Variants in ACLY observed in about 807,000 individuals in gnomAD.
ACLY encodes ATP citrate lyase, also known as ATP-citrate synthase.
ACLY carries 41 observed loss-of-function variants against 133.0 expected under a neutral mutation model. The observed-to-expected ratio is 0.31, with a 90% CI of 0.24 to 0.40. The LOEUF is 0.40. Among genes scored for constraint, ACLY ranks in the 10% least tolerant of loss-of-function variants. ACLY has a pLI of 1.00. For synonymous variants in ACLY, 495 were observed against 549.3 expected, an observed-to-expected ratio of 0.90 and a Z score of 1.38; for missense variants, 1,046 against 1,453.8, an observed-to-expected ratio of 0.72 and a Z score of 4.56.
chr17:41,912,785 G>A (rs182366556), intron 2 of ACLY, among the ~76,000 whole-genome samples: 38 of 152,252 alleles, frequency 2.5e-4, no homozygotes, highest in African/African-American at 7.7e-4. Context: ...CAGAGTAGGC[G>A]CTCAGCAAAT....
At chr17:41,890,624 G>A (rs1426263500) in intron 16 of ACLY, among the ~76,000 whole-genome samples, 1 of 151,888 alleles carries the variant, frequency 6.6e-6, no homozygotes, top group Non-Finnish European at 1.5e-5. Flanking sequence ...GGAGGCGGAG[G>A]TTGCGGTGAG....
chr17:41,868,830 GCCCT>G (rs1439670978), intron 27 of ACLY, 45 bp from the exon 28 acceptor site: 8 of 1,572,680 alleles, frequency 5.1e-6, no homozygotes, highest in Admixed American at 3.3e-5. Context: ...TCACGTGACT[GCCCT>G]CCTCCCCACA....
At chr17:41,919,338 T>C (rs899114694), upstream of ACLY, among the ~76,000 whole-genome samples, 2 of 152,224 alleles carry the variant, frequency 1.3e-5, no homozygotes, top group Admixed American at 6.5e-5. Context: ...CCCAACTGGC[T>C]GTAACGCAGC....
intron 5 of ACLY, 35 bp downstream of exon 5, chr17:41,909,475 G>C (rs782212458): frequency 6.2e-7 from 1 of 1,603,710 alleles, no homozygotes; most frequent in South Asian, 1.1e-5. Context: ...CTTCTCATCC[G>C]AACTGCCACC....
chr17:41,876,290 G>C (rs1392563423), intron 22 of ACLY, among the ~76,000 whole-genome samples: 5 of 149,450 alleles, frequency 3.3e-5, no homozygotes, highest in East Asian at 2.0e-4. Context: ...GGAGGGAGGT[G>C]GGGGGGTCAG....
rs2048493480 is a variant in ACLY, at chr17:41,867,374, AAAAG to A, written c.*432_*435del. Reference sequence around the variant, plus strand: ...AAGAAGAAAGGGAAGTAAAAAAAAAAAAAGAGAGACATTGGGGTGCTTTAAATGT... The same window carrying A: ...AAGAAGAAAGGGAAGTAAAAAAAAAAAGAGACATTGGGGTGCTTTAAATGT... On this transcript the variant is annotated 3_prime_UTR_variant, in exon 29 of 29. Transcript: ENST00000352035. 5 of 152,960 alleles carry A rather than the reference AAAAG, an allele frequency of 3.3e-5. No individual in the cohort carries two copies. The South Asian group carries it at 1.0e-3, about 32-fold the overall frequency. 9.5% of individuals were successfully genotyped at this position (152,960 alleles called of 1,614,324 possible). A position where few individuals can be genotyped will look rare whatever the true frequency, so the allele number is the denominator to read the frequency against.
At chr17:41,871,333 C>T (rs1461436673) in intron 25 of ACLY, among the ~76,000 whole-genome samples, 1 of 151,964 alleles carries the variant, frequency 6.6e-6, no homozygotes, top group Non-Finnish European at 1.5e-5. Context: ...TCACCACCCA[C>T]CCAGTAGATC....
rs375650392 is a variant in ACLY at position 41,872,084 on chromosome 17, G to A, written c.2741C>T (p.Ala914Val). The A allele has an allele frequency of 1.4e-5, 23 of 1,613,942 alleles. No individual in the cohort carries two copies. The East Asian group carries it at 2.9e-4, about 20-fold the overall frequency. ...VSGAHNTIIC[A>V]RAGKDLVSSL... is the part of the protein sequence containing the mutation. ...GGAGACCAGGTCTTTCCCAGCTCGC[G>A]CACAAATGATGGTGTTGTGGGCTCC... The change falls in exon 24 of 29, where the codon GCG becomes GTG. Residue 914 changes from alanine (A) to valine (V), a missense_variant. By Grantham distance (64) the Ala-to-Val change is moderately conservative (BLOSUM62 0). This residue lies in a region of ACLY where 205 missense variants were observed against 373.3 expected (regional missense o/e 0.55). Transcript: ENST00000352035.
At chr17:41,889,555 A>AAAAAAAAAAAAAAAAAAC (rs2049149728) in intron 16 of ACLY, among the ~76,000 whole-genome samples, 1 of 149,956 alleles carries the variant, frequency 6.7e-6, no homozygotes, top group Non-Finnish European at 1.5e-5. Flanking sequence ...AAAAAAAAAA[A>AAAAAAAAAAAAAAAAAAC]AGAAGTAGCT....
At chr17:41,905,696 T>G (rs1555632522) in intron 8 of ACLY, 38 bp from the exon 9 acceptor site, 2 of 1,613,818 alleles carry the variant, frequency 1.2e-6, no homozygotes, top group South Asian at 2.2e-5. Context: ...GCTCTCACAC[T>G]TGGGGCAGGG....
rs200879681 is a variant in ACLY at position 41,913,845 on chromosome 17, G to A, written c.29C>T (p.Thr10Met). The change falls in exon 2 of 29, where the codon ACG becomes ATG. Residue 10 changes from threonine (T) to methionine (M), a missense_variant. Physicochemically the swap from Thr to Met is moderately conservative, Grantham distance 81 (BLOSUM62 -1). Transcript: ENST00000352035. ...GAACTTGTAAAGGAGTTCTTTGCCC[G>A]TCTGCTCTGAAATTGCCTTGGCCGA... MSAKAISEQ[T>M]GKELLYKFIC... 168 of 1,614,094 alleles carry A rather than the reference G, an allele frequency of 1.0e-4. No individual in the cohort carries two copies. Among genetic ancestry groups the A allele is most frequent in the Non-Finnish European group, 1.4e-4 (160 of 1,180,056 alleles).
intron 20 of ACLY, 38 bp from the exon 21 acceptor site, chr17:41,878,962 C>T: frequency 1.2e-6 from 2 of 1,612,782 alleles, no homozygotes; most frequent in East Asian, 4.5e-5. Context: ...TGCTAATCCC[C>T]CAAGAGTGAA....
chr17:41,920,724 TG>T (rs2144450242), upstream of ACLY, among the ~76,000 whole-genome samples: 1 of 151,204 alleles, frequency 6.6e-6, no homozygotes, highest in East Asian at 2.0e-4. Flanking sequence ...CTGGGTAACA[TG>T]GTAAGAGCCC....
At chr17:41,906,489 G>C in intron 8 of ACLY, 39 bp downstream of exon 8, 3 of 1,568,532 alleles carry the variant, frequency 1.9e-6, no homozygotes, top group Non-Finnish European at 2.6e-6. Flanking sequence ...ATGCTGGGTA[G>C]ACTGGGCTGG....
In ACLY at chr17:41,918,861, A is replaced by G. The variant is rs903641205; in HGVS notation, c.-24+19T>C. On this transcript the variant is annotated intron_variant, in intron 1 of 28. Transcript: ENST00000352035. Reference sequence around the variant, plus strand: ...GGGCGAGCGGGCTCCAGCCAGCGAAAACAGCCTCCCGTGCTCACCTCTGCC... The same window carrying G: ...GGGCGAGCGGGCTCCAGCCAGCGAAGACAGCCTCCCGTGCTCACCTCTGCC... 187 of 1,286,998 alleles carry G rather than the reference A, an allele frequency of 1.5e-4. No homozygotes were observed. The highest frequency in any genetic ancestry group is 1.8e-4 in the Non-Finnish European group (174 of 987,906). The allele number at this position is 1,286,998 out of a possible 1,614,324, so 79.7% of individuals were successfully genotyped here. A position where few individuals can be genotyped will look rare whatever the true frequency, so the allele number is the denominator to read the frequency against.
Position 41,909,060 on chromosome 17 carries a change from G to T in ACLY, c.545C>A (p.Ala182Asp). 1 of 1,611,830 alleles carries T rather than the reference G, an allele frequency of 6.2e-7. No homozygotes were observed. Among genetic ancestry groups the T allele is most frequent in the South Asian group, 1.1e-5 (1 of 90,584 alleles). The change falls in exon 6 of 29, where the codon GCC becomes GAC. Residue 182 changes from alanine to aspartate, a missense_variant. By Grantham distance (126) the Ala-to-Asp change is moderately radical. Coordinates refer to ENST00000352035, the MANE Select transcript of ACLY (RefSeq NM_001096.3). ...ATTGAAGAGGCCGGAGATAAAACTG[G>T]CCAGAATTCTAGAGGTGGGAGGGAG... is the stretch of plus-strand genomic sequence containing the variant. Reference protein sequence around the residue: ...HAPEDKKEILASFISGLFNFY... With the variant: ...HAPEDKKEILDSFISGLFNFY...
Position 41,878,178 on chromosome 17 carries a change from G to T in ACLY, c.2412C>A (p.Leu804=), listed in dbSNP as rs35022178. The part of the protein sequence containing the change: ...GEIIQSVYED[L]VANGVIVPAQ... ...CAGGTACAATGACTCCATTGGCCAC[G>T]AGATCTTCGTATACAGACCTGGGAG... is the stretch of plus-strand genomic sequence containing the variant. The change falls in exon 22 of 29, where the codon CTC becomes CTA. Residue 804 remains leucine, a synonymous_variant. Transcript: ENST00000352035. 3 of 1,593,848 alleles carry T rather than the reference G, an allele frequency of 1.9e-6. No individual in the cohort carries two copies.
intron 22 of ACLY, among the ~76,000 whole-genome samples, chr17:41,876,187 C>G (rs1221014836): frequency 6.6e-6 from 1 of 151,398 alleles, no homozygotes; most frequent in East Asian, 2.0e-4. Flanking sequence ...GCAGCCACCC[C>G]GTCTGGGAAG....
intron 20 of ACLY, among the ~76,000 whole-genome samples, chr17:41,882,121 C>A (rs1179610287): frequency 2.0e-5 from 3 of 151,876 alleles, no homozygotes; most frequent in Admixed American, 1.3e-4. Context: ...GTAATCCCAG[C>A]GCTTTGGGAG....
Sources: allele counts gnomAD v4.1 joint callset (sites outside exome capture counted in the v4.1 genomes callset), GRCh38; gene constraint gnomAD v4.1.1; regional missense constraint gnomAD v4.1.1; transcripts MANE v1.5; gene names NCBI Gene and HGNC (gene_info 2026-07-23, HGNC 2026-07-21).